Variants in GRIK4 observed in about 807,000 individuals in gnomAD.
GRIK4 encodes glutamate ionotropic receptor kainate type subunit 4.
In GRIK4, 40 loss-of-function variants were observed where a neutral mutation model predicts 104.9. The ratio of observed to expected loss-of-function variants is 0.38; its 90% CI spans 0.30 to 0.50. The LOEUF is 0.50. Among genes scored for constraint, GRIK4 ranks in the 20% least tolerant of loss-of-function variants. GRIK4 has a pLI of 0.93. For missense variants in GRIK4, 1,047 were observed against 1,308.1 expected (o/e 0.80, Z 3.08); for synonymous variants, 485 against 524.9 (o/e 0.92, Z 1.04).
chr11:120,637,861 T>G (rs772904366), intron 1 of GRIK4, among the ~76,000 whole-genome samples: 10 of 151,944 alleles, frequency 6.6e-5, no homozygotes, highest in Non-Finnish European at 1.2e-4. Flanking sequence ...ATCTAAGCCC[T>G]CAGCTTATGC....
intron 1 of GRIK4, among the ~76,000 whole-genome samples, chr11:120,651,611 G>C (rs531667627): frequency 6.6e-6 from 1 of 152,164 alleles, no homozygotes; most frequent in East Asian, 1.9e-4. Context: ...ACCCGGGCTG[G>C]GTGGTCAGTG....
chr11:120,535,781 G>A (rs539153394), intron 1 of GRIK4, among the ~76,000 whole-genome samples: 1 of 152,354 alleles, frequency 6.6e-6, no homozygotes, highest in Non-Finnish European at 1.5e-5. Context: ...GTGTATCTGT[G>A]CACATTTGCA....
At position 120,697,938 on chromosome 11, in the gene GRIK4, C is replaced by T. The variant is rs117166453; in HGVS notation, c.82+37538C>T. Among the ~76,000 whole-genome samples the T allele has an allele frequency of 6.6e-3, 1,000 of 152,248 alleles. 4 individuals carry two copies. Among genetic ancestry groups the T allele is most frequent in the Non-Finnish European group, 9.9e-3 (675 of 68,010 alleles). On this transcript the variant is annotated intron_variant, in intron 3 of 20. Coordinates refer to ENST00000527524, the MANE Select transcript of GRIK4 (RefSeq NM_014619.5). ...ATCACTGATGCACTGCTCCTTACCT[C>T]CTCCTGCTCATAGAAGAGGCCACTA...
intron 3 of GRIK4, among the ~76,000 whole-genome samples, chr11:120,771,941 C>T (rs1231220660): frequency 1.3e-5 from 2 of 152,222 alleles, no homozygotes; most frequent in African/African-American, 4.8e-5. Context: ...GAACTACCCT[C>T]ATGATCACAG....
chr11:120,815,321 G>T, intron 4 of GRIK4, 57 bp from the exon 5 acceptor site: 1 of 1,035,836 alleles, frequency 9.7e-7, no homozygotes, highest in East Asian at 2.7e-5. Flanking sequence ...GGGCCATGGC[G>T]CAAGCCCGAC....
At chr11:120,899,990 G>A (rs548750930) in intron 12 of GRIK4, among the ~76,000 whole-genome samples, 1 of 152,274 alleles carries the variant, frequency 6.6e-6, no homozygotes, top group South Asian at 2.1e-4. Flanking sequence ...GAACTCCTGG[G>A]GCCCAGGCGC....
At chr11:120,984,309 A>G (rs1250664731) in intron 20 of GRIK4, among the ~76,000 whole-genome samples, 1 of 152,222 alleles carries the variant, frequency 6.6e-6, no homozygotes, top group Non-Finnish European at 1.5e-5. Flanking sequence ...TGTCCTTTCA[A>G]CTCAGAGTAG....
intron 3 of GRIK4, among the ~76,000 whole-genome samples, chr11:120,688,117 G>T (rs1724759618): frequency 6.6e-6 from 1 of 152,050 alleles, no homozygotes; most frequent in South Asian, 2.1e-4. Context: ...CTCATCCTGG[G>T]CCTAGAAATG....
At chr11:120,832,914 C>T (rs894635124) in intron 7 of GRIK4, among the ~76,000 whole-genome samples, 4 of 152,178 alleles carry the variant, frequency 2.6e-5, no homozygotes, top group African/African-American at 4.8e-5. Flanking sequence ...TTTCCAGGCT[C>T]CTTGGCGGCT....
At chr11:120,529,737 G>A (rs764901049) in intron 1 of GRIK4, among the ~76,000 whole-genome samples, 1 of 152,180 alleles carries the variant, frequency 6.6e-6, no homozygotes, top group Non-Finnish European at 1.5e-5. Flanking sequence ...CACCATCCCC[G>A]CTGTGTGCAA....
chr11:120,833,490 G>T (rs1336859140), intron 7 of GRIK4, among the ~76,000 whole-genome samples: 5 of 152,108 alleles, frequency 3.3e-5, no homozygotes, highest in Non-Finnish European at 7.4e-5. Flanking sequence ...GTAGATAGAT[G>T]TCCCTCCACC....
At chr11:120,570,552 C>A (rs535331288) in intron 1 of GRIK4, among the ~76,000 whole-genome samples, 1 of 152,266 alleles carries the variant, frequency 6.6e-6, no homozygotes, top group East Asian at 1.9e-4. Flanking sequence ...CTCCTGGGCT[C>A]AAGGGATCAT....
chr11:120,893,273 G>T (rs1413251978), intron 11 of GRIK4, among the ~76,000 whole-genome samples: 1 of 152,186 alleles, frequency 6.6e-6, no homozygotes, highest in Non-Finnish European at 1.5e-5. Context: ...TGTGTCCCTT[G>T]GGGATGTTGG....
chr11:120,592,274 C>T (rs1398912193), intron 1 of GRIK4, among the ~76,000 whole-genome samples: 1 of 152,198 alleles, frequency 6.6e-6, no homozygotes, highest in Non-Finnish European at 1.5e-5. Context: ...TGAAGCAGCC[C>T]AGAACTTGTG....
At chr11:120,745,232 T>G (rs957163548) in intron 3 of GRIK4, among the ~76,000 whole-genome samples, 6 of 152,190 alleles carry the variant, frequency 3.9e-5, no homozygotes, top group African/African-American at 1.4e-4. Context: ...GAACACTTAC[T>G]CCTGGATCCT....
chr11:120,719,822 T>C (rs1950898264), intron 3 of GRIK4, among the ~76,000 whole-genome samples: 1 of 152,210 alleles, frequency 6.6e-6, no homozygotes, highest in South Asian at 2.1e-4. Context: ...CTTCTTTTTA[T>C]GTATAGGTAT....
intron 3 of GRIK4, among the ~76,000 whole-genome samples, chr11:120,757,698 G>T (rs1381775374): frequency 2.0e-5 from 3 of 152,150 alleles, no homozygotes; most frequent in Admixed American, 6.5e-5. Flanking sequence ...ATTGGGCATG[G>T]AGCCACCAGT....
chr11:120,629,642 G>T (rs947240493), intron 1 of GRIK4, among the ~76,000 whole-genome samples: 3 of 152,180 alleles, frequency 2.0e-5, no homozygotes, highest in Non-Finnish European at 4.4e-5. Flanking sequence ...CCTCCACCAG[G>T]TGTGAATTGA....
intron 3 of GRIK4, among the ~76,000 whole-genome samples, chr11:120,707,858 C>T (rs574645821): frequency 2.6e-5 from 4 of 152,176 alleles, no homozygotes; most frequent in African/African-American, 7.2e-5. Context: ...CCCCTCTGCA[C>T]GCTACTTGAG....
Sources: gnomAD v4.1 joint callset for allele counts (sites outside exome capture counted in the v4.1 genomes callset) on GRCh38, gnomAD v4.1.1 for gene constraint, MANE v1.5 for transcripts, NCBI Gene and HGNC (gene_info 2026-07-23, HGNC 2026-07-21) for gene names.